CNOT1: variants seen among roughly 807,000 people sequenced by gnomAD.
CNOT1 encodes the protein CCR4-NOT transcription complex subunit 1, also known as CCR4-associated factor 1.
CNOT1 carries 15 observed loss-of-function variants against 273.8 expected under a neutral mutation model. The observed-to-expected ratio is 0.05, with a 90% CI of 0.04 to 0.08. The LOEUF is 0.08. Among genes scored for constraint, CNOT1 ranks in the 10% least tolerant of loss-of-function variants. The pLI is 1.00. For missense variants in CNOT1, 1,644 were observed against 2,912.2 expected (o/e 0.56, Z 10.02); for synonymous variants, 1,022 against 1,005.5 (o/e 1.02, Z -0.31).
intron 1 of CNOT1, among the ~76,000 whole-genome samples, chr16:58,625,759 G>A (rs2043546889): frequency 6.6e-6 from 1 of 151,244 alleles, no homozygotes; most frequent in South Asian, 2.1e-4. Flanking sequence ...CTCAGGGGCT[G>A]AGGTGAGAGA....
chr16:58,614,167 A>T (rs1480775404), intron 1 of CNOT1, among the ~76,000 whole-genome samples: 1 of 122,096 alleles, frequency 8.2e-6, no homozygotes, highest in East Asian at 2.0e-4. Context: ...ATATTCCAAG[A>T]CTCTCTATGC....
chr16:58,590,029 ATTTG>A (rs1157540565), intron 2 of CNOT1, among the ~76,000 whole-genome samples: 2 of 152,196 alleles, frequency 1.3e-5, no homozygotes, highest in African/African-American at 2.4e-5. Flanking sequence ...CTACCTGCTA[ATTTG>A]TTTATTGAAA....
intron 29 of CNOT1, 99 bp from the exon 30 acceptor site, chr16:58,545,590 G>A (rs574079769): frequency 2.9e-5 from 44 of 1,531,496 alleles, no homozygotes; most frequent in African/African-American, 1.5e-4. Flanking sequence ...CTAATTAAAC[G>A]AATTAAATTG....
intron 47 of CNOT1, among the ~76,000 whole-genome samples, chr16:58,522,378 G>A (rs2039426166): frequency 6.6e-6 from 1 of 150,690 alleles, no homozygotes; most frequent in Admixed American, 6.6e-5. Flanking sequence ...GCATAACAAA[G>A]ATTACAAGTC....
intron 1 of CNOT1, among the ~76,000 whole-genome samples, chr16:58,606,639 C>T (rs993261167): frequency 6.6e-6 from 1 of 151,986 alleles, no homozygotes; most frequent in Non-Finnish European, 1.5e-5. Context: ...CCTGTCTCTA[C>T]TAAATATACA....
At chr16:58,560,968 T>C (rs746210916) in intron 16 of CNOT1, among the ~76,000 whole-genome samples, 1 of 152,068 alleles carries the variant, frequency 6.6e-6, no homozygotes, top group South Asian at 2.1e-4. Flanking sequence ...GAGGTTGCAG[T>C]GAGCCGAGAT....
chr16:58,627,146 C>T (rs1025223211), intron 1 of CNOT1, among the ~76,000 whole-genome samples: 1 of 151,824 alleles, frequency 6.6e-6, no homozygotes, highest in Non-Finnish European at 1.5e-5. Flanking sequence ...CCGTGGCTCA[C>T]GTCTGTAATC....
intron 39 of CNOT1, among the ~76,000 whole-genome samples, chr16:58,535,247 C>A (rs536441030): frequency 1.3e-5 from 2 of 152,248 alleles, no homozygotes; most frequent in South Asian, 4.1e-4. Flanking sequence ...TCCTGATAAG[C>A]AGTAAAGACA....
At chr16:58,597,658 T>G (rs1437486043) in intron 2 of CNOT1, 1 of 475,112 alleles carries the variant, frequency 2.1e-6, no homozygotes, top group African/African-American at 2.0e-5. Flanking sequence ...AAGAGGAAAG[T>G]CTGCAGGAAC....
intron 1 of CNOT1, among the ~76,000 whole-genome samples, chr16:58,608,760 T>C (rs1209327042): frequency 6.6e-6 from 1 of 152,104 alleles, no homozygotes; most frequent in Non-Finnish European, 1.5e-5. Flanking sequence ...GGTATATATA[T>C]ACACAACGGA....
chr16:58,568,667 G>A (rs1032584492), intron 16 of CNOT1, among the ~76,000 whole-genome samples: 3 of 151,874 alleles, frequency 2.0e-5, no homozygotes, highest in South Asian at 2.1e-4. Flanking sequence ...GCGACAGAGC[G>A]AGACTCCGTC....
chr16:58,613,518 TTTTCTCCA>T lies in CNOT1; in HGVS notation c.-174-14015_-174-14008del, dbSNP rs2042971632. Among the ~76,000 whole-genome samples the T allele has an allele frequency of 8.0e-5, 10 of 124,338 alleles. 1 individual carries two copies. The South Asian group carries it at 2.4e-3, about 29-fold the overall frequency. The allele number at this position is 124,338 out of a possible 152,430, so 81.6% of individuals were successfully genotyped here. On this transcript the variant is annotated intron_variant, in intron 1 of 48. Coordinates refer to ENST00000317147, the MANE Select transcript of CNOT1 (RefSeq NM_016284.5). ...AGGAGTCACCTTTTAATTCATTACTTTTTCTCCAGGCAATGACCAATTCTTTAAAAACT... is the reference window on the plus strand; with the variant it reads ...AGGAGTCACCTTTTAATTCATTACTTGGCAATGACCAATTCTTTAAAAACT...
At chr16:58,537,783 G>GT (rs1236688899) in intron 38 of CNOT1, 108 bp downstream of exon 38, 3 of 1,423,840 alleles carry the variant, frequency 2.1e-6, no homozygotes, top group African/African-American at 2.8e-5. Flanking sequence ...CCCATATGTG[G>GT]TTGGTAAAGC....
intron 1 of CNOT1, among the ~76,000 whole-genome samples, chr16:58,608,890 C>G (rs974012784): frequency 1.3e-5 from 2 of 152,188 alleles, no homozygotes; most frequent in African/African-American, 4.8e-5. Flanking sequence ...CATATGTTCT[C>G]ACTCATAAGT....
At position 58,545,233 on chromosome 16, in the gene CNOT1, A is replaced by G. The variant is rs758392338; in HGVS notation, c.4137+128T>C. The G allele has an allele frequency of 3.2e-5, 46 of 1,446,094 alleles. 1 individual carries two copies. In the Middle Eastern group the frequency reaches 2.2e-3, roughly 70 times the overall value. 89.6% of individuals were successfully genotyped at this position (1,446,094 alleles called of 1,614,324 possible). A position where few individuals can be genotyped will look rare whatever the true frequency, so the allele number is the denominator to read the frequency against. On this transcript the variant is annotated intron_variant, in intron 30 of 48. Coordinates refer to ENST00000317147, the MANE Select transcript of CNOT1 (RefSeq NM_016284.5). ...AACTACACAGCAGTTCTAGATCTCCATCCTCTCTGACAAACTCTACAACCT... is the reference window on the plus strand; with the variant it reads ...AACTACACAGCAGTTCTAGATCTCCGTCCTCTCTGACAAACTCTACAACCT...
intron 3 of CNOT1, 113 bp downstream of exon 3, chr16:58,588,686 C>A (rs1228943231): frequency 2.5e-5 from 32 of 1,272,746 alleles, no homozygotes; most frequent in Middle Eastern, 1.9e-4. Flanking sequence ...CACCATCCAG[C>A]TACAATCACT....
chr16:58,560,989 C>T (rs968041865), intron 16 of CNOT1, among the ~76,000 whole-genome samples: 2 of 152,210 alleles, frequency 1.3e-5, no homozygotes, highest in Admixed American at 1.3e-4. Context: ...CGCGCCACTG[C>T]ACTCCAGTCT....
rs749879251 is a variant in CNOT1, at chr16:58,578,824, C to T, written c.1459G>A (p.Ala487Thr). The T allele has an allele frequency of 3.8e-5, 61 of 1,613,972 alleles. No homozygotes were observed. The highest frequency in any genetic ancestry group is 4.8e-5 in the Non-Finnish European group (57 of 1,180,028). ...CAAGAGGTGTTAATTTGTAGTAAGG[C>T]CAATACCAGCATGTCTGGACAGTGT... ...IKHCPDMLVL[A>T]LLQINTSWHT... The change falls in exon 13 of 49, where the codon GCC (alanine) becomes ACC (threonine). Residue 487 changes from alanine (A) to threonine (T), a missense_variant. By Grantham distance (58) the Ala-to-Thr change is moderately conservative. Transcript: ENST00000317147.
chr16:58,606,697 G>A (rs957710343), intron 1 of CNOT1, among the ~76,000 whole-genome samples: 1 of 151,994 alleles, frequency 6.6e-6, no homozygotes, highest in Non-Finnish European at 1.5e-5. Flanking sequence ...CAGCTACTAG[G>A]GAGGCTGAGG....
Sources: gnomAD v4.1 joint callset for allele counts (sites outside exome capture counted in the v4.1 genomes callset) on GRCh38, gnomAD v4.1.1 for gene constraint, MANE v1.5 for transcripts, NCBI Gene and HGNC (gene_info 2026-07-23, HGNC 2026-07-21) for gene names.